The following GPC5 variants were observed in gnomAD, a reference collection of about 807,000 sequenced individuals.
The protein encoded by GPC5 is glypican-5.
GPC5 carries 47 observed loss-of-function variants against 53.9 expected under a neutral mutation model. The ratio of observed to expected loss-of-function variants is 0.87; its 90% CI spans 0.69 to 1.11. GPC5 has a LOEUF of 1.11. Ranked by LOEUF, GPC5 falls within the 50% of genes most tolerant of loss-of-function variation. GPC5 has a pLI of 0.00. For synonymous variants in GPC5, 286 were observed against 263.3 expected, an observed-to-expected ratio of 1.09 and a Z score of -0.84; for missense variants, 748 against 713.1, an observed-to-expected ratio of 1.05 and a Z score of -0.56.
intron 7 of GPC5, among the ~76,000 whole-genome samples, chr13:92,165,628 C>T (rs766553283): frequency 6.6e-5 from 10 of 152,174 alleles, no homozygotes; most frequent in South Asian, 4.1e-4. Context: ...CCCGTGATTC[C>T]GTCACCTCTC....
chr13:91,692,864 G>A (rs1022413914), intron 2 of GPC5, among the ~76,000 whole-genome samples: 3 of 152,138 alleles, frequency 2.0e-5, no homozygotes, highest in Admixed American at 6.6e-5. Context: ...GGCTGGTCTC[G>A]AACTCTTACC....
chr13:92,855,047 T>C (rs909939053), intron 7 of GPC5, among the ~76,000 whole-genome samples: 3 of 151,994 alleles, frequency 2.0e-5, no homozygotes, highest in African/African-American at 7.2e-5. Flanking sequence ...AAAGAAAGCA[T>C]ATAAATGCAA....
intron 7 of GPC5, among the ~76,000 whole-genome samples, chr13:92,357,292 A>G (rs1594129480): frequency 6.6e-6 from 1 of 151,832 alleles, no homozygotes; most frequent in South Asian, 2.1e-4. Flanking sequence ...GAATTGCCAC[A>G]CTGCTTTCCA....
At chr13:91,698,427 G>C (rs1024188389) in intron 3 of GPC5, among the ~76,000 whole-genome samples, 1 of 152,080 alleles carries the variant, frequency 6.6e-6, no homozygotes, top group Non-Finnish European at 1.5e-5. Flanking sequence ...TGAATCTGTA[G>C]ACAGTAAGCA....
chr13:92,593,647 A>G (rs1883782909), intron 7 of GPC5, among the ~76,000 whole-genome samples: 2 of 151,720 alleles, frequency 1.3e-5, no homozygotes, highest in African/African-American at 4.8e-5. Flanking sequence ...AATAGAGCCC[A>G]TAAGTACCCT....
chr13:91,909,547 G>A (rs1393484801), intron 6 of GPC5, among the ~76,000 whole-genome samples: 2 of 152,050 alleles, frequency 1.3e-5, no homozygotes, highest in Admixed American at 1.3e-4. Flanking sequence ...TATAAAATAT[G>A]TAATATATTA....
chr13:92,744,326 G>A (rs1450128287), intron 7 of GPC5, among the ~76,000 whole-genome samples: 7 of 152,022 alleles, frequency 4.6e-5, no homozygotes, highest in Admixed American at 4.6e-4. Context: ...GATTCCTTTG[G>A]ATATGTGGCA....
intron 7 of GPC5, among the ~76,000 whole-genome samples, chr13:92,350,745 C>T (rs1387705938): frequency 6.6e-6 from 1 of 152,116 alleles, no homozygotes; most frequent in Non-Finnish European, 1.5e-5. Flanking sequence ...AATTTTATTA[C>T]ACGTTGTATA....
At chr13:91,987,643 T>C (rs1205006643) in intron 6 of GPC5, among the ~76,000 whole-genome samples, 1 of 150,918 alleles carries the variant, frequency 6.6e-6, no homozygotes, top group African/African-American at 2.4e-5. Flanking sequence ...TAAATGAAAT[T>C]TGGGAATTGT....
At chr13:91,823,522 C>T (rs905825875) in intron 5 of GPC5, among the ~76,000 whole-genome samples, 1 of 152,094 alleles carries the variant, frequency 6.6e-6, no homozygotes, top group Non-Finnish European at 1.5e-5. Flanking sequence ...AATGTCTTAG[C>T]TTCACCTTAG....
At chr13:92,576,975 A>C (rs1472123288) in intron 7 of GPC5, among the ~76,000 whole-genome samples, 2 of 152,192 alleles carry the variant, frequency 1.3e-5, no homozygotes, top group Non-Finnish European at 2.9e-5. Context: ...TTTTTAAAAA[A>C]TTGAAGTGAT....
chr13:92,518,844 A>G (rs1046987079), intron 7 of GPC5, among the ~76,000 whole-genome samples: 7 of 152,208 alleles, frequency 4.6e-5, no homozygotes, highest in African/African-American at 9.7e-5. Flanking sequence ...AAATTGGATA[A>G]AGAGTCAAGA....
At chr13:92,104,196 G>A (rs373735084) in intron 6 of GPC5, among the ~76,000 whole-genome samples, 3 of 152,158 alleles carry the variant, frequency 2.0e-5, no homozygotes, top group African/African-American at 7.2e-5. Flanking sequence ...CTTCATCCAC[G>A]TATCCCAATG....
At chr13:91,741,868 A>C (rs983702256) in intron 4 of GPC5, among the ~76,000 whole-genome samples, 10 of 152,214 alleles carry the variant, frequency 6.6e-5, no homozygotes, top group African/African-American at 2.2e-4. Context: ...AAAATTTAAT[A>C]TCATTTATAG....
chr13:92,727,413 CTTT>C (rs71806874), intron 7 of GPC5, among the ~76,000 whole-genome samples: 22,811 of 151,332 alleles, frequency 0.15, 2,101 homozygotes, highest in Non-Finnish European at 0.22. Context: ...TCCTCCATTT[CTTT>C]TTGTCAGTCC....
chr13:92,221,983 G>A (rs995490382), intron 7 of GPC5, among the ~76,000 whole-genome samples: 4 of 152,108 alleles, frequency 2.6e-5, no homozygotes, highest in East Asian at 3.9e-4. Flanking sequence ...GACATTTTAC[G>A]AATTGCATGA....
chr13:92,197,647 G>A (rs892306606), intron 7 of GPC5, among the ~76,000 whole-genome samples: 26 of 148,162 alleles, frequency 1.8e-4, no homozygotes, highest in African/African-American at 6.0e-4. Context: ...TTAGGGCATC[G>A]CCATCACATC....
chr13:91,401,653 AAC>A (rs1389566046), intron 1 of GPC5, among the ~76,000 whole-genome samples: 2 of 152,214 alleles, frequency 1.3e-5, no homozygotes, highest in African/African-American at 4.8e-5. Context: ...GTCTAGCCAA[AAC>A]ACAGTTTGTA....
At chr13:92,036,429 T>C (rs58992733) in intron 6 of GPC5, among the ~76,000 whole-genome samples, 2,808 of 152,306 alleles carry the variant, frequency 0.018, 99 homozygotes, top group African/African-American at 0.064. Context: ...GCAAATATTA[T>C]AAAATAAATT....
Sources: allele counts gnomAD v4.1 joint callset (sites outside exome capture counted in the v4.1 genomes callset), GRCh38; gene constraint gnomAD v4.1.1; transcripts MANE v1.5; gene names NCBI Gene and HGNC (gene_info 2026-07-23, HGNC 2026-07-21).